Variants in POMGNT2 observed in about 807,000 individuals in gnomAD.
The protein encoded by POMGNT2 is protein O-linked-mannose beta-1,4-N-acetylglucosaminyltransferase 2.
POMGNT2 carries 32 observed loss-of-function variants against 37.8 expected under a neutral mutation model. The ratio of observed to expected loss-of-function variants is 0.85; its 90% CI spans 0.64 to 1.14. The LOEUF is 1.14. POMGNT2 is among the 50% of genes most tolerant of loss of function. The pLI, the probability that POMGNT2 is intolerant of heterozygous loss-of-function variation, is 0.00. For missense variants in POMGNT2, 705 were observed against 780.6 expected, an observed-to-expected ratio of 0.90 and a Z score of 1.15; for synonymous variants, 340 against 336.8, an observed-to-expected ratio of 1.01 and a Z score of -0.10.
rs774025495 is a variant in POMGNT2 at position 43,079,976 on chromosome 3, G to C, written c.1456C>G (p.Arg486Gly). The C allele has an allele frequency of 1.2e-6, 2 of 1,613,920 alleles. No individual in the cohort carries two copies. The highest frequency in any genetic ancestry group is 1.7e-5 in the Admixed American group (1 of 60,028). The change falls in exon 2 of 2, where the codon CGG becomes GGG. Residue 486 changes from arginine to glycine, a missense_variant. Transcript: ENST00000344697. Reference sequence around the variant, plus strand: ...ACTGACGCCTGGCACCGTGCCTCCCGCACCTTGCCTGGATATAGGCCGACT... The same window carrying C: ...ACTGACGCCTGGCACCGTGCCTCCCCCACCTTGCCTGGATATAGGCCGACT... The part of the protein sequence containing the change: ...WTVGLYPGKV[R>G]EARCQASVHG...
rs928932889 is a variant in POMGNT2, at chr3:43,081,187, T to C, written c.245A>G (p.Lys82Arg). Reference protein sequence around the residue: ...RTHTDRICRFKWLCYSNEAEE... With the variant: ...RTHTDRICRFRWLCYSNEAEE... ...AGCCTCGTTGGAGTAGCAGAGCCACTTGAAGCGGCAGATGCGGTCTGTGTG... is the reference window on the plus strand; with the variant it reads ...AGCCTCGTTGGAGTAGCAGAGCCACCTGAAGCGGCAGATGCGGTCTGTGTG... The change falls in exon 2 of 2, where the codon AAG (lysine) becomes AGG (arginine). Residue 82 changes from lysine (K) to arginine (R), a missense_variant. By Grantham distance (26) the Lys-to-Arg change is conservative. Coordinates refer to ENST00000344697, the MANE Select transcript of POMGNT2 (RefSeq NM_032806.6). 9 of 1,614,080 alleles carry C rather than the reference T, an allele frequency of 5.6e-6. No homozygotes were observed. Among genetic ancestry groups the C allele is most frequent in the Non-Finnish European group, 7.6e-6 (9 of 1,180,046 alleles).
intron 1 of POMGNT2, among the ~76,000 whole-genome samples, chr3:43,084,083 C>A (rs2089876705): frequency 6.6e-6 from 1 of 152,168 alleles, no homozygotes; most frequent in Non-Finnish European, 1.5e-5. Context: ...TGATGAGGAA[C>A]TGCTACCCTT....
In POMGNT2 at chr3:43,099,220, T is replaced by C. The variant is rs946388758; in HGVS notation, c.-106+6616A>G. On this transcript the variant is annotated intron_variant, in intron 1 of 1. Coordinates refer to ENST00000344697, the MANE Select transcript of POMGNT2 (RefSeq NM_032806.6). ...GACCCTCAGGCCCAATTTGAGAGGG[T>C]TGAACTGATCAAGAGAGCCAAAAAC... Among the ~76,000 whole-genome samples, 4 of 151,896 alleles carry C rather than the reference T, an allele frequency of 2.6e-5. No homozygotes were observed. In the East Asian group the frequency reaches 7.8e-4, roughly 29 times the overall value.
intron 1 of POMGNT2, among the ~76,000 whole-genome samples, chr3:43,091,363 TA>T (rs1469770500): frequency 3.9e-5 from 6 of 152,030 alleles, no homozygotes; most frequent in Non-Finnish European, 7.4e-5. Context: ...GTACCAAAAT[TA>T]AAAAGTAATA....
intron 1 of POMGNT2, chr3:43,088,027 C>T (rs1229887039): frequency 5.3e-5 from 8 of 152,206 alleles, no homozygotes; most frequent in African/African-American, 1.9e-4. Context: ...TACTCAACCA[C>T]TTTTGACTTA....
intron 1 of POMGNT2, among the ~76,000 whole-genome samples, chr3:43,103,520 C>T (rs1202881726): frequency 6.6e-6 from 1 of 152,208 alleles, no homozygotes; most frequent in African/African-American, 2.4e-5. Context: ...CTCTTCCTAA[C>T]ACCTCCTCCC....
rs1010838624 is a variant in POMGNT2 at position 43,084,677 on chromosome 3, C to T, written c.-105-3141G>A. On this transcript the variant is annotated intron_variant, in intron 1 of 1. Coordinates refer to ENST00000344697, the MANE Select transcript of POMGNT2 (RefSeq NM_032806.6). ...AAAAAAAAAAAAAATTGTACTGTCCCACAGATCTCTGAAGCTCTGTTAATT... is the reference window on the plus strand; with the variant it reads ...AAAAAAAAAAAAAATTGTACTGTCCTACAGATCTCTGAAGCTCTGTTAATT... 1.1e-4 allele frequency among the ~76,000 whole-genome samples: 16 copies of T among 151,928 alleles called. 1 individual carries two copies. Among genetic ancestry groups the T allele is most frequent in the Non-Finnish European group, 5.9e-5 (4 of 67,992 alleles).
chr3:43,096,926 A>C (rs1366350805), intron 1 of POMGNT2, among the ~76,000 whole-genome samples: 1 of 152,188 alleles, frequency 6.6e-6, no homozygotes, highest in East Asian at 1.9e-4. Context: ...GACTTAGTGA[A>C]TCCTCCTTTC....
chr3:43,084,927 T>C lies in POMGNT2; in HGVS notation c.-105-3391A>G, dbSNP rs547918504. On this transcript the variant is annotated intron_variant, in intron 1 of 1. Coordinates refer to ENST00000344697, the MANE Select transcript of POMGNT2 (RefSeq NM_032806.6). Reference sequence around the variant, plus strand: ...CCTGGACATTTCGGTCATAATGTTATGATACTCTGGATCTTACTTAAATCT... The same window carrying C: ...CCTGGACATTTCGGTCATAATGTTACGATACTCTGGATCTTACTTAAATCT... 1.9e-4 allele frequency among the ~76,000 whole-genome samples: 29 copies of C among 152,324 alleles called. No individual in the cohort carries two copies. The East Asian group carries it at 4.6e-3, about 24-fold the overall frequency.
At chr3:43,093,452 G>A (rs2089958522) in intron 1 of POMGNT2, among the ~76,000 whole-genome samples, 1 of 152,184 alleles carries the variant, frequency 6.6e-6, no homozygotes, top group African/African-American at 2.4e-5. Context: ...AGGACAGACT[G>A]GCCTGCATGG....
At chr3:43,088,833 C>T (rs1256731324) in intron 1 of POMGNT2, among the ~76,000 whole-genome samples, 2 of 152,254 alleles carry the variant, frequency 1.3e-5, no homozygotes, top group African/African-American at 2.4e-5. Context: ...CATCTCTGGA[C>T]ATCCTGCTGT....
intron 1 of POMGNT2, among the ~76,000 whole-genome samples, chr3:43,093,667 C>G (rs1004775192): frequency 1.3e-5 from 2 of 152,156 alleles, no homozygotes; most frequent in African/African-American, 4.8e-5. Flanking sequence ...GATGAATACC[C>G]CACTCCCATA....
At chr3:43,084,338 C>T (rs990571266) in intron 1 of POMGNT2, among the ~76,000 whole-genome samples, 2 of 151,636 alleles carry the variant, frequency 1.3e-5, no homozygotes, top group Non-Finnish European at 2.9e-5. Flanking sequence ...TACACCAATG[C>T]TAGATTAAAA....
At chr3:43,100,985 C>T (rs967409080) in intron 1 of POMGNT2, among the ~76,000 whole-genome samples, 1 of 152,212 alleles carries the variant, frequency 6.6e-6, no homozygotes, top group South Asian at 2.1e-4. Flanking sequence ...AACCCCTATA[C>T]TGTGTAGGAT....
At position 43,081,482 on chromosome 3, in the gene POMGNT2, A is replaced by G. The variant is rs1301331088; in HGVS notation, c.-51T>C. 2 of 1,432,676 alleles carry G rather than the reference A, an allele frequency of 1.4e-6. No homozygotes were observed. The highest frequency in any genetic ancestry group is 4.9e-5 in the East Asian group (2 of 40,614). The allele number at this position is 1,432,676 out of a possible 1,614,324, so 88.7% of individuals were successfully genotyped here. A position where few individuals can be genotyped will look rare whatever the true frequency, so the allele number is the denominator to read the frequency against. On this transcript the variant is annotated 5_prime_UTR_variant, in exon 2 of 2. Coordinates refer to ENST00000344697, the MANE Select transcript of POMGNT2 (RefSeq NM_032806.6). ...GAGATGACGGCCACTGGGAAGCACC[A>G]CAGGCCAGGCAGGCTTCACCCATCC...
intron 1 of POMGNT2, among the ~76,000 whole-genome samples, chr3:43,094,377 T>C (rs940541803): frequency 4.6e-5 from 7 of 152,248 alleles, no homozygotes; most frequent in African/African-American, 9.6e-5. Context: ...GCCAAGTTGC[T>C]TACTGGGCAA....
In POMGNT2 at chr3:43,080,685, C is replaced by G. The variant is rs762976283; in HGVS notation, c.747G>C (p.Gln249His). Residue 249 changes from glutamine (Q) to histidine (H), a missense_variant, in exon 2 of 2, where the codon CAG becomes CAC. Physicochemically the swap from Gln to His is conservative, Grantham distance 24. Coordinates refer to ENST00000344697, the MANE Select transcript of POMGNT2 (RefSeq NM_032806.6). ...GGATGTTGGCCTTCGGGCCCTGGGG[C>G]TGCACAAAGCCATACTGGTACCAGG... ...ITTWYQYGFV[Q>H]PQGPKANILV... 1.9e-6 allele frequency: 3 copies of G among 1,614,220 alleles called. No homozygotes were observed. Among genetic ancestry groups the G allele is most frequent in the Non-Finnish European group, 2.5e-6 (3 of 1,180,044 alleles).
chr3:43,083,555 T>C (rs145761582), intron 1 of POMGNT2, among the ~76,000 whole-genome samples: 90 of 152,382 alleles, frequency 5.9e-4, no homozygotes, highest in Admixed American at 1.1e-3. Flanking sequence ...TATCCCTTGA[T>C]ATAGATTTTC....
At chr3:43,102,430 C>CT (rs2090026274) in intron 1 of POMGNT2, among the ~76,000 whole-genome samples, 1 of 152,180 alleles carries the variant, frequency 6.6e-6, no homozygotes, top group African/African-American at 2.4e-5. Flanking sequence ...ATCTGATTCT[C>CT]TTAGAGGTGC....
Sources: gnomAD v4.1 joint callset for allele counts (sites outside exome capture counted in the v4.1 genomes callset) on GRCh38, gnomAD v4.1.1 for gene constraint, MANE v1.5 for transcripts, NCBI Gene and HGNC (gene_info 2026-07-23, HGNC 2026-07-21) for gene names.